SRRM2: variants seen among roughly 807,000 people sequenced by gnomAD.
SRRM2 encodes serine/arginine repetitive matrix protein 2.
A neutral mutation model predicts 213.8 loss-of-function variants in SRRM2; 30 were observed. The observed-to-expected ratio is 0.14, with a 90% CI of 0.10 to 0.19. The LOEUF is 0.19. SRRM2 is among the 10% of genes least tolerant of loss of function. The pLI is 1.00. For synonymous variants in SRRM2, 2,025 were observed against 1,377.7 expected (o/e 1.47, Z -10.40); for missense variants, 4,904 against 3,647.0 (o/e 1.34, Z -8.88).
At chr16:2,758,893 TG>T (rs2068241425) in intron 5 of SRRM2, 91 bp from the exon 6 acceptor site, 1 of 1,411,846 alleles carries the variant, frequency 7.1e-7, no homozygotes, top group East Asian at 2.4e-5. Context: ...GACATTCAAG[TG>T]TTTTAGAAAC....
At chr16:2,769,347 C>G in intron 12 of SRRM2, 63 bp downstream of exon 12, 20 of 1,509,756 alleles carry the variant, frequency 1.3e-5, no homozygotes, top group Non-Finnish European at 1.6e-5. Context: ...GAGAAGGGGC[C>G]CTGGGGTGTG....
At position 2,768,145 on chromosome 16, in the gene SRRM2, C is replaced by G. The variant is rs562448420; in HGVS notation, c.7617C>G (p.Ser2539=). ...GGAGTTCCTCCTCGTCGTCGTCGTC[C>G]TCTAGCTCCTCCTCTTCTTCATCAT... ...ERRSSSSSSS[S]SSSSSSSSSS... Residue 2539 remains serine, a synonymous_variant, in exon 11 of 15, where the codon TCC becomes TCG. Transcript: ENST00000301740. The G allele has an allele frequency of 1.2e-6, 2 of 1,613,618 alleles. No individual in the cohort carries two copies.
chr16:2,753,630 ATATATAAG>A (rs1211953981), intron 1 of SRRM2: 1 of 152,136 alleles, frequency 6.6e-6, no homozygotes, highest in Non-Finnish European at 1.5e-5. Flanking sequence ...CGCCAGACTC[ATATATAAG>A]TTTTCTGGTT....
chr16:2,758,180 C>T (rs1161125666), intron 4 of SRRM2, among the ~76,000 whole-genome samples: 3 of 152,032 alleles, frequency 2.0e-5, no homozygotes, highest in Non-Finnish European at 2.9e-5. Context: ...TTGAGACCAG[C>T]CTGGGCGATG....
intron 1 of SRRM2, among the ~76,000 whole-genome samples, chr16:2,753,214 G>C (rs2068003169): frequency 6.6e-6 from 1 of 152,244 alleles, no homozygotes; most frequent in Non-Finnish European, 1.5e-5. Flanking sequence ...CGGGGAAGGG[G>C]CGGCGGCGGG....
Position 2,766,352 on chromosome 16 carries a change from A to C in SRRM2, c.5824A>C (p.Thr1942Pro), listed in dbSNP as rs759726295. The C allele has an allele frequency of 5.6e-6, 9 of 1,613,980 alleles. No homozygotes were observed. Among genetic ancestry groups the C allele is most frequent in the South Asian group, 1.1e-5 (1 of 91,076 alleles). ...RRRSRSRTPT[T>P]RRRSRSRTPP... ...TCGTTCAAGGTCTAGAACGCCAACA[A>C]CACGCCGCCGCTCCCGTTCTAGAAC... Residue 1942 changes from threonine to proline, a missense_variant, in exon 11 of 15, where the codon ACA (threonine) becomes CCA (proline). Transcript: ENST00000301740. The surrounding 1 kb of genome is among the most constrained non-coding windows in gnomAD (Gnocchi z 7.0).
chr16:2,764,600 C>G lies in SRRM2; in HGVS notation c.4072C>G (p.Pro1358Ala), dbSNP rs771871446. 1 of 1,614,070 alleles carries G rather than the reference C, an allele frequency of 6.2e-7. No individual in the cohort carries two copies. The highest frequency in any genetic ancestry group is 8.5e-7 in the Non-Finnish European group (1 of 1,180,052). ...TGAGGTTAAAGAAGATTTGAATGGA[C>G]CGTTTCTTAATCAGCTGGAAACAGA... The part of the protein sequence containing the change: ...SSEVKEDLNG[P>A]FLNQLETDPS... Residue 1358 changes from proline to alanine, a missense_variant, in exon 11 of 15, where the codon CCG becomes GCG. Pro to Ala is a conservative substitution (Grantham distance 27, BLOSUM62 -1). Transcript: ENST00000301740.
rs780619346 is a variant in SRRM2, at chr16:2,758,484, C to G, written c.530C>G (p.Ser177Cys). 1 of 1,614,080 alleles carries G rather than the reference C, an allele frequency of 6.2e-7. No individual in the cohort carries two copies. Among genetic ancestry groups the G allele is most frequent in the East Asian group, 2.2e-5 (1 of 44,886 alleles). ...TTTTTCCCTAGCCTTGTTCGGGAGT[C>G]TAGCAGTTCTCGCTCACCAACCCCA... is the stretch of plus-strand genomic sequence containing the variant. The part of the protein sequence containing the change: ...PPKPYSLVRE[S>C]SSSRSPTPKQ... The change falls in exon 5 of 15, where the codon TCT (serine) becomes TGT (cysteine). Residue 177 changes from serine to cysteine, a missense_variant. Transcript: ENST00000301740.
At chr16:2,760,863 G>C (rs2068319968) in intron 10 of SRRM2, 1 of 203,406 alleles carries the variant, frequency 4.9e-6, no homozygotes, top group Non-Finnish European at 1.0e-5. Flanking sequence ...AATCCATTGC[G>C]TTGCCACCAA....
At chr16:2,759,266 G>A (rs2068255277) in intron 7 of SRRM2, 86 bp from the exon 8 acceptor site, 1 of 1,605,318 alleles carries the variant, frequency 6.2e-7, no homozygotes, top group African/African-American at 1.3e-5. Flanking sequence ...TCTTCCTTGT[G>A]TCAACACTCC....
At chr16:2,754,770 C>G (rs1323246171) in intron 1 of SRRM2, among the ~76,000 whole-genome samples, 2 of 152,110 alleles carry the variant, frequency 1.3e-5, no homozygotes, top group African/African-American at 2.4e-5. Flanking sequence ...AGGATTGGTA[C>G]TAGAAGATGA....
Position 2,767,052 on chromosome 16 carries a change from A to G in SRRM2, c.6524A>G (p.Asn2175Ser). ...CACCAGAGAACATCTGTGCCAGAAA[A>G]TCATGCTCAGTCCAGGATTGCACTT... ...PDHQRTSVPE[N>S]HAQSRIALAL... The change falls in exon 11 of 15, where the codon AAT becomes AGT. Residue 2175 changes from asparagine (N) to serine (S), a missense_variant. Coordinates refer to ENST00000301740, the MANE Select transcript of SRRM2 (RefSeq NM_016333.4). 6 of 1,614,118 alleles carry G rather than the reference A, an allele frequency of 3.7e-6. No homozygotes were observed. Among genetic ancestry groups the G allele is most frequent in the Non-Finnish European group, 4.2e-6 (5 of 1,180,022 alleles).
In SRRM2 at chr16:2,767,714, A is replaced by G. The variant is rs1357971733; in HGVS notation, c.7186A>G (p.Arg2396Gly). ...TTCTGCCTACGAGCGTGTCAGTGGCAGAACCTCACCACCGCTCCTTGACCG... is the reference window on the plus strand; with the variant it reads ...TTCTGCCTACGAGCGTGTCAGTGGCGGAACCTCACCACCGCTCCTTGACCG... The part of the protein sequence containing the change: ...PLSAYERVSG[R>G]TSPPLLDRAR... The change falls in exon 11 of 15, where the codon AGA (arginine) becomes GGA (glycine). Residue 2396 changes from arginine to glycine, a missense_variant. Transcript: ENST00000301740. 6.2e-7 allele frequency: 1 copy of G among 1,613,794 alleles called. No homozygotes were observed.
At position 2,763,536 on chromosome 16, in the gene SRRM2, C is replaced by T. The variant is rs1465624593; in HGVS notation, c.3008C>T (p.Thr1003Ile). The T allele has an allele frequency of 6.2e-7, 1 of 1,614,186 alleles. No individual in the cohort carries two copies. Among genetic ancestry groups the T allele is most frequent in the Non-Finnish European group, 8.5e-7 (1 of 1,180,030 alleles). Residue 1003 changes from threonine to isoleucine, a missense_variant, in exon 11 of 15, where the codon ACT becomes ATT. Physicochemically the swap from Thr to Ile is moderately conservative, Grantham distance 89 (BLOSUM62 -1). Transcript: ENST00000301740. The stretch of plus-strand genomic sequence containing the variant: ...CCATACCCCAAAGTAAAGGCCCAAA[C>T]TCCACCGGGGCCAAGTCTTTCTGGA... The part of the protein sequence containing the change: ...ISPYPKVKAQ[T>I]PPGPSLSGSK...
chr16:2,758,376 T>A, intron 4 of SRRM2, 94 bp from the exon 5 acceptor site: 1 of 1,171,616 alleles, frequency 8.5e-7, no homozygotes, highest in East Asian at 2.3e-5. Flanking sequence ...TATTTTTTTA[T>A]TTTTATTACT....
At chr16:2,757,724 C>G in intron 3 of SRRM2, 57 bp from the exon 4 acceptor site, 2 of 1,594,846 alleles carry the variant, frequency 1.3e-6, no homozygotes, top group Admixed American at 1.7e-5. Flanking sequence ...TACTTGTGTT[C>G]TGAATATGGC....
chr16:2,753,714 CG>C (rs2068031199), intron 1 of SRRM2: 1 of 152,176 alleles, frequency 6.6e-6, no homozygotes, highest in Non-Finnish European at 1.5e-5. Context: ...TCAGTTAGGA[CG>C]AATCTGGATC....
chr16:2,771,099 A>T lies in SRRM2; in HGVS notation c.*232A>T. ...TCTGGGGGGTTTGGGGTGGGAGGGA[A>T]TGCAGATGGGAGTTGGGGGAGGGGA... On this transcript the variant is annotated 3_prime_UTR_variant, in exon 15 of 15. Coordinates refer to ENST00000301740, the MANE Select transcript of SRRM2 (RefSeq NM_016333.4). 2.1e-6 allele frequency: 1 copy of T among 476,118 alleles called. No homozygotes were observed. Among genetic ancestry groups the T allele is most frequent in the Non-Finnish European group, 3.8e-6 (1 of 263,484 alleles). The allele number at this position is 476,118 out of a possible 1,614,324, so 29.5% of individuals were successfully genotyped here.
rs1438471168 is a variant in SRRM2 at position 2,757,481 on chromosome 16, A to G, written c.252A>G (p.Glu84=). The G allele has an allele frequency of 6.2e-7, 1 of 1,614,082 alleles. No homozygotes were observed. Among genetic ancestry groups the G allele is most frequent in the Non-Finnish European group, 8.5e-7 (1 of 1,180,000 alleles). The part of the protein sequence containing the change: ...EEMMEEQGYE[E]QQIQEKVATF... ...GGGATTTGTTCTTCAGGTACGAGGA[A>G]CAGCAAATTCAGGAAAAAGTGGCGA... The change falls in exon 3 of 15, where the codon GAA becomes GAG. Residue 84 remains glutamate, a synonymous_variant. Coordinates refer to ENST00000301740, the MANE Select transcript of SRRM2 (RefSeq NM_016333.4).
Sources: allele counts gnomAD v4.1 joint callset (sites outside exome capture counted in the v4.1 genomes callset), GRCh38; gene constraint gnomAD v4.1.1; non-coding constraint Gnocchi (gnomAD v3.1); transcripts MANE v1.5; gene names NCBI Gene and HGNC (gene_info 2026-07-23, HGNC 2026-07-21).